The following ANKRD17 variants were observed in gnomAD, a reference collection of about 807,000 sequenced individuals.
ANKRD17 encodes ankyrin repeat domain-containing protein 17.
A neutral mutation model predicts 229.7 loss-of-function variants in ANKRD17; 19 were observed. The ratio of observed to expected loss-of-function variants is 0.08; its 90% CI spans 0.06 to 0.12. The LOEUF (loss-of-function observed/expected upper bound fraction) is 0.12, where lower values mean the gene tolerates loss of function less well. Among genes scored for constraint, ANKRD17 ranks in the 10% least tolerant of loss-of-function variants. The probability of loss-of-function intolerance (pLI) is 1.00; values close to 1 mark genes in which losing one functional copy is unlikely to be tolerated. For synonymous variants in ANKRD17, 1,112 were observed against 1,146.1 expected (o/e 0.97, Z 0.60); for missense variants, 2,176 against 3,176.8 (o/e 0.68, Z 7.57).
At chr4:73,158,152 A>AAAGAAAGAAAGAAAGAAAG (rs1731954360) in intron 3 of ANKRD17, among the ~76,000 whole-genome samples, 1 of 128,708 alleles carries the variant, frequency 7.8e-6, no homozygotes, top group Non-Finnish European at 1.6e-5. Flanking sequence ...GAAAGGAAGA[A>AAAGAAAGAAAGAAAGAAAG]AAAGAAAGAA....
intron 30 of ANKRD17, among the ~76,000 whole-genome samples, chr4:73,081,706 A>G (rs538600262): frequency 3.9e-5 from 6 of 152,250 alleles, no homozygotes; most frequent in Non-Finnish European, 7.3e-5. Flanking sequence ...AAATAAAAAA[A>G]TCATGTACAG....
At chr4:73,103,261 C>T (rs1265195063) in intron 24 of ANKRD17, among the ~76,000 whole-genome samples, 1 of 151,520 alleles carries the variant, frequency 6.6e-6, no homozygotes. Context: ...GAGAAGAGAA[C>T]CCTCTTTGTG....
intron 29 of ANKRD17, among the ~76,000 whole-genome samples, chr4:73,089,435 C>T (rs187004233): frequency 1.3e-5 from 2 of 152,076 alleles, no homozygotes; most frequent in South Asian, 2.1e-4. Context: ...CCATCTCTTA[C>T]GTGGACTATC....
At chr4:73,227,520 A>G (rs1385481873) in intron 1 of ANKRD17, among the ~76,000 whole-genome samples, 1 of 152,212 alleles carries the variant, frequency 6.6e-6, no homozygotes, top group East Asian at 1.9e-4. Flanking sequence ...ATGGCACAAG[A>G]CTTTTCATTA....
intron 30 of ANKRD17, 89 bp downstream of exon 30, chr4:73,085,160 T>C: frequency 1.3e-5 from 18 of 1,355,686 alleles, no homozygotes; most frequent in South Asian, 4.1e-5. Context: ...TACCTTTTTA[T>C]GGTATTAAAA....
chr4:73,141,907 A>ATTTATTCTTT, intron 13 of ANKRD17, 64 bp from the exon 14 acceptor site: 2 of 1,187,892 alleles, frequency 1.7e-6, no homozygotes, highest in Non-Finnish European at 2.4e-6. Context: ...ATATGCTCTA[A>ATTTATTCTTT]ATAAAGAATA....
In ANKRD17 at chr4:73,153,869, T is replaced by A. The variant is rs779521884; in HGVS notation, c.1234+11A>T. 6 of 1,525,592 alleles carry A rather than the reference T, an allele frequency of 3.9e-6. No homozygotes were observed. Among genetic ancestry groups the A allele is most frequent in the Non-Finnish European group, 5.3e-6 (6 of 1,136,646 alleles). The allele number at this position is 1,525,592 out of a possible 1,614,324, so 94.5% of individuals were successfully genotyped here. A position where few individuals can be genotyped will look rare whatever the true frequency, so the allele number is the denominator to read the frequency against. ...TTAAAAACTTTGTTTTAAGAAAGGT[T>A]TATACTGTACCTTTGTAACAAGCTA... On this transcript the variant is annotated intron_variant, in intron 6 of 33. Transcript: ENST00000358602.
intron 1 of ANKRD17, among the ~76,000 whole-genome samples, chr4:73,229,483 ACTTTT>A (rs1252435636): frequency 6.6e-6 from 1 of 152,070 alleles, no homozygotes; most frequent in African/African-American, 2.4e-5. Flanking sequence ...CATCATTTCT[ACTTTT>A]CAAGAATCAC....
intron 29 of ANKRD17, among the ~76,000 whole-genome samples, chr4:73,086,920 ATATATAT>A (rs1235760732): frequency 0.015 from 164 of 10,976 alleles, 6 homozygotes; most frequent in African/African-American, 0.04. Context: ...AAAAAAAAAA[ATATATAT>A]ATATATATAT....
At chr4:73,182,473 C>T (rs1560672836) in intron 1 of ANKRD17, among the ~76,000 whole-genome samples, 1 of 152,182 alleles carries the variant, frequency 6.6e-6, no homozygotes. Flanking sequence ...AATATACTTT[C>T]CACCAGCAAA....
At chr4:73,148,507 C>CTA (rs1730587124) in intron 8 of ANKRD17, among the ~76,000 whole-genome samples, 1 of 152,186 alleles carries the variant, frequency 6.6e-6, no homozygotes, top group Admixed American at 6.5e-5. Context: ...TTCTCTTGAT[C>CTA]TATTACCTTT....
At chr4:73,181,807 G>T (rs1735584899) in intron 1 of ANKRD17, among the ~76,000 whole-genome samples, 1 of 151,894 alleles carries the variant, frequency 6.6e-6, no homozygotes, top group Non-Finnish European at 1.5e-5. Context: ...CAGCACTTTG[G>T]GAGGCCGAGG....
At chr4:73,213,036 A>AAAG (rs938423646) in intron 1 of ANKRD17, among the ~76,000 whole-genome samples, 2 of 149,332 alleles carry the variant, frequency 1.3e-5, no homozygotes, top group Non-Finnish European at 3.0e-5. Context: ...CAGGGGAAAA[A>AAAG]AAAAAAAAAA....
chr4:73,235,308 T>C (rs1021796473), intron 1 of ANKRD17, among the ~76,000 whole-genome samples: 3 of 152,098 alleles, frequency 2.0e-5, no homozygotes, highest in African/African-American at 4.8e-5. Flanking sequence ...ATAAAGCTGA[T>C]ACAGAAGGAA....
intron 19 of ANKRD17, 44 bp downstream of exon 19, chr4:73,121,573 A>G (rs1232210469): frequency 1.2e-6 from 2 of 1,607,708 alleles, no homozygotes; most frequent in South Asian, 1.1e-5. Flanking sequence ...TATCTATAAC[A>G]GTCTTACTAA....
intron 1 of ANKRD17, among the ~76,000 whole-genome samples, chr4:73,249,348 A>T (rs559792735): frequency 9.5e-4 from 144 of 152,304 alleles, no homozygotes; most frequent in African/African-American, 3.3e-3. Flanking sequence ...TATTTTTGGG[A>T]AAAGGAAAGG....
chr4:73,114,481 C>T lies in ANKRD17; in HGVS notation c.4285-573G>A, dbSNP rs375988628. Among the ~76,000 whole-genome samples, 23 of 152,024 alleles carry T rather than the reference C, an allele frequency of 1.5e-4. 1 individual carries two copies. Among genetic ancestry groups the T allele is most frequent in the African/African-American group, 5.5e-4 (23 of 41,450 alleles). Reference sequence around the variant, plus strand: ...ATTTAATTTTAGAGATAGGGGCTTGCCATGTTGCCCAGGCTTAAATGCAGT... The same window carrying T: ...ATTTAATTTTAGAGATAGGGGCTTGTCATGTTGCCCAGGCTTAAATGCAGT... On this transcript the variant is annotated intron_variant, in intron 23 of 33. Coordinates refer to ENST00000358602, the MANE Select transcript of ANKRD17 (RefSeq NM_032217.5).
chr4:73,167,628 A>T (rs950869366), intron 2 of ANKRD17, among the ~76,000 whole-genome samples: 2 of 152,138 alleles, frequency 1.3e-5, no homozygotes, highest in Non-Finnish European at 2.9e-5. Flanking sequence ...ATTTTTAAAT[A>T]ATTTCATAAT....
rs1727389211 is a variant in ANKRD17, at chr4:73,125,852, C to T, written c.3235-540G>A. ...ATCAAGAAAAATAAAGTATGACTTT[C>T]AATCACGTGATTGAAAGAAATACTG... is the stretch of plus-strand genomic sequence containing the variant. On this transcript the variant is annotated intron_variant, in intron 16 of 33. Coordinates refer to ENST00000358602, the MANE Select transcript of ANKRD17 (RefSeq NM_032217.5). Among the ~76,000 whole-genome samples, 3 of 151,942 alleles carry T rather than the reference C, an allele frequency of 2.0e-5. No homozygotes were observed. The South Asian group carries it at 6.2e-4, about 31-fold the overall frequency.
Sources: allele counts gnomAD v4.1 joint callset (sites outside exome capture counted in the v4.1 genomes callset), GRCh38; gene constraint gnomAD v4.1.1; transcripts MANE v1.5; gene names NCBI Gene and HGNC (gene_info 2026-07-23, HGNC 2026-07-21).